MUC4: variants seen among roughly 807,000 people sequenced by gnomAD.
MUC4 encodes the protein mucin-4.
Under a neutral mutation model 257.9 loss-of-function variants are expected in MUC4, and 202 were observed. The observed-to-expected ratio is 0.78, with a 90% confidence interval of 0.70 to 0.88. The LOEUF (loss-of-function observed/expected upper bound fraction) is 0.88, where lower values mean the gene tolerates loss of function less well. Ranked by LOEUF, MUC4 falls within the 40% of genes least tolerant of loss-of-function variation. The pLI is 0.00. For missense variants in MUC4, 5,976 were observed against 6,513.7 expected, an observed-to-expected ratio of 0.92 and a Z score of 2.84; for synonymous variants, 2,351 against 2,757.1, an observed-to-expected ratio of 0.85 and a Z score of 4.62.
chr3:195,762,787 A>ACCCGGCCCTGCACCGCC (rs1719488567), intron 13 of MUC4, 68 bp downstream of exon 13: 1 of 1,409,738 alleles, frequency 7.1e-7, no homozygotes, highest in Non-Finnish European at 9.7e-7. Context: ...CCTGCACCGC[A>ACCCGGCCCTGCACCGCC]ACGCGGCTTC....
intron 19 of MUC4, chr3:195,753,496 G>A (rs926973485): frequency 3.9e-6 from 2 of 510,640 alleles, no homozygotes; most frequent in Non-Finnish European, 6.8e-6. Context: ...CCGAAGGCTG[G>A]CAGAGGAGGG....
At chr3:195,796,724 C>G (rs1484015032) in intron 1 of MUC4, among the ~76,000 whole-genome samples, 1 of 151,978 alleles carries the variant, frequency 6.6e-6, no homozygotes, top group Non-Finnish European at 1.5e-5. Context: ...CTATCCACCC[C>G]ACAAAAAAAT....
intron 7 of MUC4, among the ~76,000 whole-genome samples, chr3:195,767,685 TGGCCACCCCCCAAAAAATAC>T (rs1721387807): frequency 2.1e-5 from 1 of 46,688 alleles, no homozygotes; most frequent in African/African-American, 1.3e-4. Flanking sequence ...CCACCATCAC[TGGCCACCCCCCAAAAAATAC>T]CACCATCGGC....
chr3:195,811,650 G>A, intron 1 of MUC4, 86 bp downstream of exon 1: 2 of 1,115,862 alleles, frequency 1.8e-6, no homozygotes, highest in Non-Finnish European at 2.6e-6. Context: ...CTCTCTCTCT[G>A]TCTCCCCGGA....
chr3:195,762,372 G>A (rs1197468069), intron 13 of MUC4, 118 bp from the exon 14 acceptor site: 35 of 1,125,448 alleles, frequency 3.1e-5, no homozygotes, highest in South Asian at 1.6e-5. Flanking sequence ...AGCCGGGAGG[G>A]GTCTGCACTG....
rs756642467 is a variant in MUC4, at chr3:195,753,118, G to A, written c.15441C>T (p.Cys5147=). The A allele has an allele frequency of 5.0e-6, 8 of 1,612,716 alleles. No individual in the cohort carries two copies. The highest frequency in any genetic ancestry group is 5.9e-6 in the Non-Finnish European group (7 of 1,179,634). The part of the protein sequence containing the change: ...QTLGCQPMCT[C]PPAFTDSRCF... ...AGCGGCTGTCAGTGAAGGCTGGGGG[G>A]CAGGTGCACATGGGCTGACAGCCCA... The change falls in exon 20 of 25, where the codon TGC becomes TGT. Residue 5147 remains cysteine, a synonymous_variant. Coordinates refer to ENST00000463781, the MANE Select transcript of MUC4 (RefSeq NM_018406.7).
Position 195,810,747 on chromosome 3 carries a change from ATCT to A in MUC4, c.82+986_82+988del, listed in dbSNP as rs760333742. ...TTCCCTTGCTTGCTGCTGTCTCCCG[ATCT>A]TCTCCTCTCTCCATTCCCAGGGTCC... On this transcript the variant is annotated intron_variant, in intron 1 of 24. Transcript: ENST00000463781. The surrounding 1 kb of genome is among the most constrained non-coding windows in gnomAD (Gnocchi z 4.2). Among the ~76,000 whole-genome samples, 16 of 151,478 alleles carry A rather than the reference ATCT, an allele frequency of 1.1e-4. No homozygotes were observed. The highest frequency in any genetic ancestry group is 3.3e-4 in the Admixed American group (5 of 15,248).
chr3:195,747,334 G>A lies in MUC4; in HGVS notation c.16081C>T (p.His5361Tyr), dbSNP rs1188264179. Residue 5361 changes from histidine to tyrosine, a missense_variant, in exon 25 of 25, where the codon CAC becomes TAC. His to Tyr is a moderately conservative substitution (Grantham distance 83). Around this residue, in one of 44 missense-constraint regions of MUC4, gnomAD observed 310 missense variants for 242.1 expected, o/e 1.28. Coordinates refer to ENST00000463781, the MANE Select transcript of MUC4 (RefSeq NM_018406.7). The part of the protein sequence containing the change: ...IYTAWGEHCE[H>Y]LSMKLDAFFG... ...AACGCGTCGAGTTTCATGCTCAGGT[G>A]CTCACAGTGCTCGCCCCAGGCCGTG... 6.2e-7 allele frequency: 1 copy of A among 1,613,950 alleles called. No homozygotes were observed. Among genetic ancestry groups the A allele is most frequent in the Admixed American group, 1.7e-5 (1 of 60,010 alleles).
At position 195,760,924 on chromosome 3, in the gene MUC4, C is replaced by T; in HGVS notation, c.14808G>A (p.Arg4936=). ...LRNASIGLHT[R]EVSKNYEQAN... Reference sequence around the variant, plus strand: ...CCTGCTCGTAGTTTTTACTGACTTCCCTCGTGTGAAGTCCGATGCTTGCGT... The same window carrying T: ...CCTGCTCGTAGTTTTTACTGACTTCTCTCGTGTGAAGTCCGATGCTTGCGT... Residue 4936 remains arginine (R), a synonymous_variant, in exon 16 of 25, where the codon AGG becomes AGA. Coordinates refer to ENST00000463781, the MANE Select transcript of MUC4 (RefSeq NM_018406.7). 2 of 1,614,224 alleles carry T rather than the reference C, an allele frequency of 1.2e-6. No individual in the cohort carries two copies. Among genetic ancestry groups the T allele is most frequent in the African/African-American group, 1.3e-5 (1 of 75,058 alleles).
chr3:195,775,339 T>C (rs1162113771), intron 3 of MUC4, among the ~76,000 whole-genome samples: 1 of 151,238 alleles, frequency 6.6e-6, no homozygotes. Context: ...TCCACCCCCA[T>C]GCAGCACCGG....
At chr3:195,750,536 G>A (rs7627446) in intron 23 of MUC4, 222,158 of 338,232 alleles carry the variant, frequency 0.66, 74,186 homozygotes, top group East Asian at 0.81. Flanking sequence ...ATATCCTCCC[G>A]CTGGAGAGCA....
rs775198409 is a variant in MUC4 at position 195,785,767 on chromosome 3, G to C, written c.5813C>G (p.Pro1938Arg). 6.7e-7 allele frequency: 1 copy of C among 1,484,734 alleles called. No homozygotes were observed. The highest frequency in any genetic ancestry group is 2.1e-5 in the Admixed American group (1 of 47,682). The allele number at this position is 1,484,734 out of a possible 1,614,324, so 92.0% of individuals were successfully genotyped here. ...GGATGCTGAGGAAGGGCTAGTGACA[G>C]GAAGAGGCGTGGTGTCACCTGTGGA... Reference protein sequence around the residue: ...SASTGDTTPLPVTSPSSASSG... With the variant: ...SASTGDTTPLRVTSPSSASSG... Residue 1938 changes from proline to arginine, a missense_variant, in exon 2 of 25, where the codon CCT (proline) becomes CGT (arginine). Coordinates refer to ENST00000463781, the MANE Select transcript of MUC4 (RefSeq NM_018406.7).
chr3:195,771,679 G>A lies in MUC4; in HGVS notation c.13215C>T (p.Ser4405=). The change falls in exon 5 of 25, where the codon TCC becomes TCT. Residue 4405 remains serine (S), a synonymous_variant. Transcript: ENST00000463781. ...VAPFWDDADF[S]TGRGTTFYQE... ...GATAAAATGTGGTCCCCCGACCAGT[G>A]GAGAAGTCAGCATCGTCCCAGAACG... The A allele has an allele frequency of 1.2e-6, 2 of 1,613,906 alleles. No individual in the cohort carries two copies. Among genetic ancestry groups the A allele is most frequent in the Non-Finnish European group, 1.7e-6 (2 of 1,179,854 alleles).
rs199742461 is a variant in MUC4, at chr3:195,787,199, C to A, written c.4381G>T (p.Asp1461Tyr). 8 of 607,188 alleles carry A rather than the reference C, an allele frequency of 1.3e-5. No homozygotes were observed. The highest frequency in any genetic ancestry group is 1.9e-5 in the Non-Finnish European group (8 of 411,300). 37.6% of individuals were successfully genotyped at this position (607,188 alleles called of 1,614,324 possible). The stretch of plus-strand genomic sequence containing the variant: ...TGACCTGTGGATGCTGAGGAAGTGT[C>A]GGTGACAGGAAGAGGGGTGGTGTGA... ...TGHTTPLPVT[D>Y]TSSASTGQAT... Residue 1461 changes from aspartate (D) to tyrosine (Y), a missense_variant, in exon 2 of 25, where the codon GAC becomes TAC. This residue lies in a region of MUC4 where 58 missense variants were observed against 65.4 expected (regional missense o/e 0.89). Transcript: ENST00000463781.
rs1715208664 is a variant in MUC4 at position 195,747,252 on chromosome 3, A to G, written c.16163T>C (p.Phe5388Ser). 1 of 1,614,142 alleles carries G rather than the reference A, an allele frequency of 6.2e-7. No homozygotes were observed. Among genetic ancestry groups the G allele is most frequent in the Non-Finnish European group, 8.5e-7 (1 of 1,180,042 alleles). The change falls in exon 25 of 25, where the codon TTC (phenylalanine) becomes TCC (serine). Residue 5388 changes from phenylalanine to serine, a missense_variant. Physicochemically the swap from Phe to Ser is radical, Grantham distance 155 (BLOSUM62 -2). Around this residue, in one of 44 missense-constraint regions of MUC4, gnomAD observed 310 missense variants for 242.1 expected, o/e 1.28. Coordinates refer to ENST00000463781, the MANE Select transcript of MUC4 (RefSeq NM_018406.7). ...GGLLLLGVGT[F>S]VVLRFWGCSG... ...GCAACCCCAGAAGCGCAGGACCACG[A>G]ACGTCCCGACCCCCAGCAGCAAGAG...
chr3:195,774,218 G>A lies in MUC4; in HGVS notation c.13031C>T (p.Pro4344Leu), dbSNP rs752050155. 17 of 1,608,518 alleles carry A rather than the reference G, an allele frequency of 1.1e-5. No homozygotes were observed. Among genetic ancestry groups the A allele is most frequent in the South Asian group, 3.3e-5 (3 of 90,808 alleles). Residue 4344 changes from proline (P) to leucine (L), a missense_variant, in exon 4 of 25, where the codon CCG becomes CTG. Coordinates refer to ENST00000463781, the MANE Select transcript of MUC4 (RefSeq NM_018406.7). Reference protein sequence around the residue: ...TVDFTSPLFKPATGFPLGSSL... With the variant: ...TVDFTSPLFKLATGFPLGSSL... ...GGAGCCAAGGGGGAAGCCAGTCGCC[G>A]GCTTGAAGAGTGGGGAGGTGAAGTC...
Position 195,778,524 on chromosome 3 carries a change from A to G in MUC4, c.12791-69T>C. 3 of 1,580,214 alleles carry G rather than the reference A, an allele frequency of 1.9e-6. No homozygotes were observed. The South Asian group carries it at 3.4e-5, about 18-fold the overall frequency. Reference sequence around the variant, plus strand: ...AAAACAGGAGAGTCAAAGAGATTCAAAGAAATCAGGAGCTGGAAGAGGGAG... The same window carrying G: ...AAAACAGGAGAGTCAAAGAGATTCAGAGAAATCAGGAGCTGGAAGAGGGAG... On this transcript the variant is annotated intron_variant, in intron 2 of 24. Transcript: ENST00000463781.
rs1450035089 is a variant in MUC4 at position 195,781,273 on chromosome 3, C to A, written c.10307G>T (p.Gly3436Val). The A allele has an allele frequency of 2.1e-5, 32 of 1,505,844 alleles. 2 individuals are homozygous for A. The highest frequency in any genetic ancestry group is 2.5e-5 in the Non-Finnish European group (28 of 1,122,566). 93.3% of individuals were successfully genotyped at this position (1,505,844 alleles called of 1,614,324 possible). Residue 3436 changes from glycine (G) to valine (V), a missense_variant, in exon 2 of 25, where the codon GGT (glycine) becomes GTT (valine). Gly to Val is a moderately radical substitution (Grantham distance 109, BLOSUM62 -3). Around this residue, in one of 44 missense-constraint regions of MUC4, gnomAD observed 297 missense variants for 240.9 expected, o/e 1.23. Coordinates refer to ENST00000463781, the MANE Select transcript of MUC4 (RefSeq NM_018406.7). The part of the protein sequence containing the change: ...PVTSTSSAST[G>V]HATPVPVTST... ...GGTGACAGGAACAGGGGTGGCGTGACCGGTGGATGCTGAGGAAGTGCTGGT... is the reference window on the plus strand; with the variant it reads ...GGTGACAGGAACAGGGGTGGCGTGAACGGTGGATGCTGAGGAAGTGCTGGT...
intron 7 of MUC4, among the ~76,000 whole-genome samples, chr3:195,767,844 C>CCACCAT (rs1721746849): frequency 3.1e-5 from 4 of 127,924 alleles, no homozygotes; most frequent in African/African-American, 9.4e-5. Flanking sequence ...ACCACCACCA[C>CCACCAT]CATCGCCACC....
Sources: gnomAD v4.1 joint callset for allele counts (sites outside exome capture counted in the v4.1 genomes callset) on GRCh38, gnomAD v4.1.1 for gene constraint, gnomAD v4.1.1 regional missense constraint, Gnocchi (gnomAD v3.1) non-coding constraint, MANE v1.5 for transcripts, NCBI Gene and HGNC (gene_info 2026-07-23, HGNC 2026-07-21) for gene names.